The following CEP295 variants were observed in gnomAD, a reference collection of about 807,000 sequenced individuals.
CEP295 encodes the protein centrosomal protein of 295 kDa.
In CEP295, 190 loss-of-function variants were observed where a neutral mutation model predicts 291.6. The ratio of observed to expected loss-of-function variants is 0.65; its 90% CI spans 0.58 to 0.73. CEP295 has a LOEUF of 0.73. Among genes scored for constraint, CEP295 ranks in the 30% least tolerant of loss-of-function variants. The pLI is 0.00. For missense variants in CEP295, 2,863 were observed against 2,949.4 expected (o/e 0.97, Z 0.68); for synonymous variants, 993 against 1,038.8 (o/e 0.96, Z 0.85).
chr11:93,667,196 G>A (rs1024821403), intron 2 of CEP295, among the ~76,000 whole-genome samples: 14 of 152,182 alleles, frequency 9.2e-5, no homozygotes, highest in African/African-American at 3.1e-4. Flanking sequence ...TTTAAAGTAA[G>A]TTTTTGTGAA....
In CEP295 at chr11:93,697,416, T is replaced by C. The variant is rs1306944702; in HGVS notation, c.2504T>C (p.Leu835Pro). 1 of 1,552,112 alleles carries C rather than the reference T, an allele frequency of 6.4e-7. No individual in the cohort carries two copies. The highest frequency in any genetic ancestry group is 1.4e-5 in the African/African-American group (1 of 73,050). ...AGCCAAATGCATGATAGGCCTTTGC[T>C]GCCGTCAGAGAATATCACAGCCCAG... ...IISQMHDRPL[L>P]PSENITAQQG... Residue 835 changes from leucine (L) to proline (P), a missense_variant, in exon 15 of 30, where the codon CTG becomes CCG. Physicochemically the swap from Leu to Pro is moderately conservative, Grantham distance 98. Transcript: ENST00000325212.
Position 93,698,186 on chromosome 11 carries a change from A to G in CEP295, c.3274A>G (p.Ser1092Gly), listed in dbSNP as rs563283092. ...LLHRQRDLGD[S>G]KSGLVSSSSS... ...ACATAGACAAAGAGATTTGGGGGAC[A>G]GTAAGTCTGGGCTGGTGAGCTCTTC... is the stretch of plus-strand genomic sequence containing the variant. The change falls in exon 15 of 30, where the codon AGT (serine) becomes GGT (glycine). Residue 1092 changes from serine to glycine, a missense_variant. Ser to Gly is a moderately conservative substitution (Grantham distance 56). Transcript: ENST00000325212. The G allele has an allele frequency of 1.3e-6, 2 of 1,552,068 alleles. No homozygotes were observed. Among genetic ancestry groups the G allele is most frequent in the African/African-American group, 1.4e-5 (1 of 73,178 alleles).
intron 18 of CEP295, among the ~76,000 whole-genome samples, chr11:93,713,103 G>A (rs1953021376): frequency 6.6e-6 from 1 of 151,900 alleles, no homozygotes; most frequent in Admixed American, 6.6e-5. Context: ...CTTCAACTTT[G>A]TGTCCCTGCT....
At chr11:93,677,579 A>G (rs961742158) in intron 6 of CEP295, among the ~76,000 whole-genome samples, 2 of 152,186 alleles carry the variant, frequency 1.3e-5, no homozygotes, top group Non-Finnish European at 2.9e-5. Flanking sequence ...GTCCTACATT[A>G]CATATTCATG....
chr11:93,702,723 G>A, intron 16 of CEP295, 53 bp from the exon 17 acceptor site: 1 of 1,540,074 alleles, frequency 6.5e-7, no homozygotes, highest in Admixed American at 2.0e-5. Flanking sequence ...AGAAAAGTTA[G>A]AAGTATGTTA....
At chr11:93,700,456 C>T (rs1952084555) in intron 15 of CEP295, among the ~76,000 whole-genome samples, 3 of 141,912 alleles carry the variant, frequency 2.1e-5, no homozygotes, top group Admixed American at 7.2e-5. Context: ...GACAAGGTCT[C>T]GCTCTGTTGT....
chr11:93,719,732 TA>T (rs1388807503), intron 18 of CEP295: 4 of 152,206 alleles, frequency 2.6e-5, no homozygotes, highest in Admixed American at 2.6e-4. Flanking sequence ...ATAAAATGAA[TA>T]ATTAATAATT....
At chr11:93,716,842 A>G (rs1314199290) in intron 18 of CEP295, among the ~76,000 whole-genome samples, 1 of 152,212 alleles carries the variant, frequency 6.6e-6, no homozygotes, top group East Asian at 1.9e-4. Context: ...CGTAACCTTC[A>G]CTATGGTGCC....
chr11:93,717,365 G>C (rs1953343963), intron 18 of CEP295, among the ~76,000 whole-genome samples: 2 of 152,202 alleles, frequency 1.3e-5, no homozygotes, highest in Non-Finnish European at 2.9e-5. Flanking sequence ...GAACAAAGCT[G>C]AGCGTCTGAC....
intron 6 of CEP295, among the ~76,000 whole-genome samples, chr11:93,678,268 A>G (rs143003200): frequency 8.5e-5 from 13 of 152,316 alleles, no homozygotes; most frequent in African/African-American, 2.4e-4. Context: ...ATTTAATATC[A>G]TACATATTGA....
chr11:93,729,566 A>G (rs1195142559), intron 26 of CEP295, 36 bp downstream of exon 26: 1 of 1,549,960 alleles, frequency 6.5e-7, no homozygotes, highest in Non-Finnish European at 8.7e-7. Context: ...TCTAATGGAA[A>G]GTAGATACTT....
chr11:93,691,829 T>G, intron 11 of CEP295, 54 bp downstream of exon 11: 1 of 1,309,188 alleles, frequency 7.6e-7, no homozygotes, highest in Non-Finnish European at 1.1e-6. Context: ...CATCTTTTTT[T>G]TAAATAAAAT....
rs779836165 is a variant in CEP295 at position 93,698,076 on chromosome 11, A to G, written c.3164A>G (p.Asp1055Gly). ...SFLQQFLPLH[D>G]SLKLLQEQLT... ...CTACAGCAGTTCCTACCTCTACATG[A>G]TAGTTTGAAGTTGCTCCAAGAACAG... The change falls in exon 15 of 30, where the codon GAT becomes GGT. Residue 1055 changes from aspartate (D) to glycine (G), a missense_variant. Around this residue, in one of 3 missense-constraint regions of CEP295, gnomAD observed 2,295 missense variants for 2,335.7 expected, o/e 0.98. Coordinates refer to ENST00000325212, the MANE Select transcript of CEP295 (RefSeq NM_033395.2). The G allele has an allele frequency of 2.6e-6, 4 of 1,551,954 alleles. No homozygotes were observed. Among genetic ancestry groups the G allele is most frequent in the African/African-American group, 2.7e-5 (2 of 73,142 alleles).
chr11:93,696,588 A>G (rs1951855891), intron 14 of CEP295, 94 bp from the exon 15 acceptor site: 5 of 1,219,046 alleles, frequency 4.1e-6, no homozygotes, highest in Non-Finnish European at 5.6e-6. Context: ...AGTATTGCCA[A>G]CCCTAGATTG....
At position 93,724,378 on chromosome 11, in the gene CEP295, A is replaced by C; in HGVS notation, c.6318+3A>C. The C allele has an allele frequency of 1.3e-6, 2 of 1,547,506 alleles. No individual in the cohort carries two copies. The highest frequency in any genetic ancestry group is 1.7e-6 in the Non-Finnish European group (2 of 1,144,420). On this transcript the variant is annotated splice_donor_region_variant and intron_variant, in intron 22 of 29. Coordinates refer to ENST00000325212, the MANE Select transcript of CEP295 (RefSeq NM_033395.2). ...CAGACAACAGAGACTTTTACCAGGT[A>C]TATTAAAGTAGATGTCCCATTGCAG...
At chr11:93,662,411 A>G (rs1950033042) in intron 1 of CEP295, among the ~76,000 whole-genome samples, 1 of 152,174 alleles carries the variant, frequency 6.6e-6, no homozygotes, top group East Asian at 1.9e-4. Flanking sequence ...TCTTCCTGCT[A>G]ATAAGTGGCA....
chr11:93,721,148 C>T (rs537938107), intron 18 of CEP295, among the ~76,000 whole-genome samples, 164 bp from the exon 19 acceptor site: 1 of 152,212 alleles, frequency 6.6e-6, no homozygotes, highest in African/African-American at 2.4e-5. Context: ...TTAACAAATA[C>T]GGTGAATTTT....
chr11:93,721,753 G>A, intron 19 of CEP295: 1 of 727,192 alleles, frequency 1.4e-6, no homozygotes, highest in South Asian at 1.4e-5. Context: ...GAGATTGAGG[G>A]TGGGGGGGTG....
chr11:93,701,925 G>A (rs1321336755), intron 15 of CEP295, among the ~76,000 whole-genome samples: 2 of 151,386 alleles, frequency 1.3e-5, no homozygotes, highest in Non-Finnish European at 1.5e-5. Flanking sequence ...TTAAGTCCAA[G>A]GCTGTGAATG....
Sources: gnomAD v4.1 joint callset for allele counts (sites outside exome capture counted in the v4.1 genomes callset) on GRCh38, gnomAD v4.1.1 for gene constraint, gnomAD v4.1.1 regional missense constraint, MANE v1.5 for transcripts, NCBI Gene and HGNC (gene_info 2026-07-23, HGNC 2026-07-21) for gene names.